Variants in PRKCH observed in about 807,000 individuals in gnomAD.
PRKCH encodes protein kinase C eta.
PRKCH carries 28 observed loss-of-function variants against 82.5 expected under a neutral mutation model. The ratio of observed to expected loss-of-function variants is 0.34; its 90% CI spans 0.25 to 0.47. The LOEUF is 0.47. PRKCH is among the 20% of genes least tolerant of loss of function. PRKCH has a pLI of 1.00. For missense variants in PRKCH, 705 were observed against 881.8 expected, an observed-to-expected ratio of 0.80 and a Z score of 2.54; for synonymous variants, 322 against 327.4, an observed-to-expected ratio of 0.98 and a Z score of 0.18.
intron 9 of PRKCH, among the ~76,000 whole-genome samples, chr14:61,458,024 T>C (rs1244435221): frequency 4.6e-5 from 7 of 152,228 alleles, no homozygotes; most frequent in Non-Finnish European, 7.3e-5. Flanking sequence ...GCTCATTGTC[T>C]TGATGAATTT....
intron 1 of PRKCH, among the ~76,000 whole-genome samples, chr14:61,284,650 A>G (rs956617640): frequency 5.3e-5 from 8 of 152,206 alleles, no homozygotes; most frequent in African/African-American, 1.9e-4. Context: ...CTCTCATTTT[A>G]TTACATATGT....
At chr14:61,247,735 CAAAAAAAAAAAA>C (rs202153655) in intron 1 of PRKCH, among the ~76,000 whole-genome samples, 1 of 52,720 alleles carries the variant, frequency 1.9e-5, no homozygotes, top group African/African-American at 7.9e-5. Context: ...GACTCCATCT[CAAAAAAAAAAAA>C]AAAAAAAAAA....
chr14:61,326,974 G>A (rs1252584285), intron 1 of PRKCH: 1 of 431,432 alleles, frequency 2.3e-6, no homozygotes, highest in Non-Finnish European at 4.7e-6. Flanking sequence ...TCTAAATGGG[G>A]ACCAGCATCT....
chr14:61,336,826 TG>T (rs879567074), intron 1 of PRKCH, among the ~76,000 whole-genome samples: 7 of 152,022 alleles, frequency 4.6e-5, no homozygotes, highest in Admixed American at 4.6e-4. Flanking sequence ...TCCAGCACTA[TG>T]GGGGGCTGAG....
chr14:61,427,941 C>T (rs1883193703), intron 2 of PRKCH, among the ~76,000 whole-genome samples: 1 of 151,746 alleles, frequency 6.6e-6, no homozygotes, highest in Non-Finnish European at 1.5e-5. Flanking sequence ...CACCTATAAT[C>T]CTAGCACTTT....
chr14:61,225,296 A>G (rs1230656163), intron 1 of PRKCH, among the ~76,000 whole-genome samples: 2 of 152,198 alleles, frequency 1.3e-5, no homozygotes, highest in Non-Finnish European at 2.9e-5. Flanking sequence ...CTTTTAACCT[A>G]TTTCTATGTT....
At chr14:61,391,686 A>G (rs2046684600) in intron 2 of PRKCH, among the ~76,000 whole-genome samples, 1 of 152,148 alleles carries the variant, frequency 6.6e-6, no homozygotes, top group South Asian at 2.1e-4. Context: ...TATAATCTCT[A>G]TCTCATTTGT....
chr14:61,475,483 C>T (rs1056096026), intron 9 of PRKCH, among the ~76,000 whole-genome samples: 13 of 152,180 alleles, frequency 8.5e-5, no homozygotes, highest in Admixed American at 7.9e-4. Context: ...ATTAAAACAC[C>T]GTGCCCAGTT....
chr14:61,341,465 G>A (rs749675114), intron 1 of PRKCH, among the ~76,000 whole-genome samples: 1 of 152,210 alleles, frequency 6.6e-6, no homozygotes, highest in Non-Finnish European at 1.5e-5. Context: ...ACATGCACAT[G>A]TCAGCACAGT....
intron 10 of PRKCH, among the ~76,000 whole-genome samples, chr14:61,517,802 C>T (rs1311145643): frequency 6.6e-6 from 1 of 152,218 alleles, no homozygotes; most frequent in Non-Finnish European, 1.5e-5. Context: ...CTGATTTCTC[C>T]TCATTCAAAA....
In PRKCH at chr14:61,544,602, G is replaced by A. The variant is rs541836536; in HGVS notation, c.1762-3141G>A. ...GATTTACCCTAGAATTCATCTGCAT[G>A]TGGGTGCCCACACACCTCCAATGCA... is the stretch of plus-strand genomic sequence containing the variant. On this transcript the variant is annotated intron_variant, in intron 12 of 13. Coordinates refer to ENST00000332981, the MANE Select transcript of PRKCH (RefSeq NM_006255.5). The A allele has an allele frequency of 2.0e-5, 3 of 152,324 alleles. No individual in the cohort carries two copies. In the South Asian group the frequency reaches 6.2e-4, roughly 32 times the overall value. 9.4% of individuals were successfully genotyped at this position (152,324 alleles called of 1,614,324 possible). A position where few individuals can be genotyped will look rare whatever the true frequency, so the allele number is the denominator to read the frequency against.
At chr14:61,511,714 C>A (rs763215395) in intron 10 of PRKCH, among the ~76,000 whole-genome samples, 1 of 152,242 alleles carries the variant, frequency 6.6e-6, no homozygotes, top group Non-Finnish European at 1.5e-5. Context: ...CCCACACATG[C>A]TTGTCATTGC....
intron 1 of PRKCH, among the ~76,000 whole-genome samples, chr14:61,326,176 C>T (rs1298952532): frequency 6.6e-6 from 1 of 152,066 alleles, no homozygotes; most frequent in Non-Finnish European, 1.5e-5. Context: ...TGTAATAACC[C>T]CCAAAGTGGA....
At chr14:61,499,192 T>C (rs1324795119) in intron 10 of PRKCH, among the ~76,000 whole-genome samples, 1 of 152,180 alleles carries the variant, frequency 6.6e-6, no homozygotes, top group Non-Finnish European at 1.5e-5. Context: ...GGTTTTAGAG[T>C]GTACCTTTTG....
Position 61,453,231 on chromosome 14 carries a change from A to C in PRKCH, c.838A>C (p.Lys280Gln). Residue 280 changes from lysine to glutamine, a missense_variant, in exon 7 of 14, where the codon AAA becomes CAA. Physicochemically the swap from Lys to Gln is moderately conservative, Grantham distance 53 (BLOSUM62 1). This residue lies in a region of PRKCH where 238 missense variants were observed against 258.1 expected (regional missense o/e 0.92). Coordinates refer to ENST00000332981, the MANE Select transcript of PRKCH (RefSeq NM_006255.5). ...TGTTTTCCTTTTCCCTCTAGTATGT[A>C]AAATGAATGTGCATATTCGATGTCA... is the stretch of plus-strand genomic sequence containing the variant. ...MRQGLQCKIC[K>Q]MNVHIRCQAN... The C allele has an allele frequency of 6.2e-7, 1 of 1,614,246 alleles. No individual in the cohort carries two copies. The highest frequency in any genetic ancestry group is 8.5e-7 in the Non-Finnish European group (1 of 1,180,036).
Position 61,272,607 on chromosome 14 carries a change from C to T in PRKCH, c.-19+84939C>T, listed in dbSNP as rs1246355132. ...CTGACCTCAGGTGATCCACCTGCCT[C>T]GGCCTCCCAAAGTGCTGGGATTACA... is the stretch of plus-strand genomic sequence containing the variant. On this transcript the variant is annotated intron_variant, in intron 1 of 3. Transcript: ENST00000555185. Among the ~76,000 whole-genome samples the T allele has an allele frequency of 5.3e-5, 8 of 152,120 alleles. No homozygotes were observed. In the East Asian group the frequency reaches 1.4e-3, roughly 26 times the overall value.
At position 61,200,471 on chromosome 14, in the gene PRKCH, G is replaced by GA. The variant is rs2044472352; in HGVS notation, c.-19+12809dup. 2.0e-5 allele frequency among the ~76,000 whole-genome samples: 3 copies of GA among 151,934 alleles called. No individual in the cohort carries two copies. The South Asian group carries it at 6.2e-4, about 32-fold the overall frequency. ...GAATCTTCCAGGTATCTGAGGAATA[G>GA]AAAAAAGCCAGGTCACATGGGAACC... On this transcript the variant is annotated intron_variant, in intron 1 of 3. Transcript: ENST00000555185.
intron 1 of PRKCH, among the ~76,000 whole-genome samples, chr14:61,382,281 T>A (rs923937779): frequency 1.3e-5 from 2 of 152,000 alleles, no homozygotes; most frequent in African/African-American, 4.8e-5. Context: ...AATACAAAAA[T>A]TAGCTGGGCG....
At chr14:61,501,541 GTTCAT>G (rs913192275) in intron 10 of PRKCH, among the ~76,000 whole-genome samples, 1 of 150,814 alleles carries the variant, frequency 6.6e-6, no homozygotes, top group Non-Finnish European at 1.5e-5. Flanking sequence ...GCTCTTTTTT[GTTCAT>G]TTCATTTGTT....
Sources: gnomAD v4.1 joint callset for allele counts (sites outside exome capture counted in the v4.1 genomes callset) on GRCh38, gnomAD v4.1.1 for gene constraint, gnomAD v4.1.1 regional missense constraint, MANE v1.5 for transcripts, NCBI Gene and HGNC (gene_info 2026-07-23, HGNC 2026-07-21) for gene names.